Variants in DPY19L3 observed in about 807,000 individuals in gnomAD.
DPY19L3 encodes dpy-19 like C-mannosyltransferase 3, also known as protein C-mannosyl-transferase DPY19L3.
In DPY19L3, 51 loss-of-function variants were observed where a neutral mutation model predicts 92.3. The observed-to-expected ratio is 0.55, with a 90% CI of 0.44 to 0.70. The LOEUF (loss-of-function observed/expected upper bound fraction) is 0.70, where lower values mean the gene tolerates loss of function less well. Among genes scored for constraint, DPY19L3 ranks in the 30% least tolerant of loss-of-function variants. DPY19L3 has a pLI of 0.00. For synonymous variants in DPY19L3, 309 were observed against 315.2 expected, an observed-to-expected ratio of 0.98 and a Z score of 0.21; for missense variants, 706 against 855.9, an observed-to-expected ratio of 0.82 and a Z score of 2.18.
intron 8 of DPY19L3, among the ~76,000 whole-genome samples, chr19:32,442,931 C>T (rs900387402): frequency 2.0e-5 from 3 of 152,226 alleles, no homozygotes; most frequent in African/African-American, 7.2e-5. Flanking sequence ...CTTTCACCAT[C>T]TCCCAGAGAC....
intron 3 of DPY19L3, among the ~76,000 whole-genome samples, chr19:32,426,533 C>T (rs953384164): frequency 1.3e-5 from 2 of 152,148 alleles, no homozygotes; most frequent in South Asian, 2.1e-4. Context: ...CACTTCCTTT[C>T]GACGCTTAGA....
At chr19:32,421,447 C>T (rs1456740440) in intron 3 of DPY19L3, among the ~76,000 whole-genome samples, 1 of 152,128 alleles carries the variant, frequency 6.6e-6, no homozygotes, top group African/African-American at 2.4e-5. Context: ...CAAGACCAGC[C>T]TGGCCAACAT....
At chr19:32,458,034 G>A in intron 10 of DPY19L3, 66 bp from the exon 11 acceptor site, 1 of 1,225,108 alleles carries the variant, frequency 8.2e-7, no homozygotes, top group Non-Finnish European at 1.2e-6. Context: ...TAAATTCAAT[G>A]GGAAGTTATC....
intron 3 of DPY19L3, among the ~76,000 whole-genome samples, chr19:32,417,281 C>T (rs763813843): frequency 3.9e-5 from 6 of 152,164 alleles, no homozygotes; most frequent in Non-Finnish European, 7.3e-5. Flanking sequence ...CTTTCCTGTG[C>T]TGTTCTCATG....
Position 32,482,196 on chromosome 19 carries a change from C to G in DPY19L3, c.2107C>G (p.Gln703Glu). 1.2e-6 allele frequency: 2 copies of G among 1,613,768 alleles called. No homozygotes were observed. The highest frequency in any genetic ancestry group is 1.7e-6 in the Non-Finnish European group (2 of 1,179,832). ...CGTGGCCTACTTCACCAGAGTGTTCCAGAACAAAACCTTCCACGTTTACAA... is the reference window on the plus strand; with the variant it reads ...CGTGGCCTACTTCACCAGAGTGTTCGAGAACAAAACCTTCCACGTTTACAA... ...PYVAYFTRVFQNKTFHVYKLS... is the reference protein window; with the variant it reads ...PYVAYFTRVFENKTFHVYKLS... Residue 703 changes from glutamine to glutamate, a missense_variant, in exon 19 of 19, where the codon CAG becomes GAG. Physicochemically the swap from Gln to Glu is conservative, Grantham distance 29 (BLOSUM62 2). Transcript: ENST00000392250.
At chr19:32,436,408 T>G (rs1969140123) in intron 4 of DPY19L3, 38 bp from the exon 5 acceptor site, 1 of 1,362,930 alleles carries the variant, frequency 7.3e-7, no homozygotes, top group South Asian at 1.5e-5. Flanking sequence ...TAATTATGAG[T>G]GTAATTATTT....
chr19:32,451,922 C>T (rs1342972779), intron 8 of DPY19L3, among the ~76,000 whole-genome samples: 4 of 152,016 alleles, frequency 2.6e-5, no homozygotes, highest in Non-Finnish European at 5.9e-5. Flanking sequence ...GCAGCCTCAA[C>T]CTCCTGGACT....
intron 10 of DPY19L3, among the ~76,000 whole-genome samples, chr19:32,456,663 G>T (rs1027076432): frequency 6.6e-6 from 1 of 151,832 alleles, no homozygotes; most frequent in Non-Finnish European, 1.5e-5. Context: ...CAAACACCTG[G>T]GCTCAAGGTA....
At chr19:32,428,832 G>GT (rs756304557) in intron 3 of DPY19L3, among the ~76,000 whole-genome samples, 6,486 of 128,902 alleles carry the variant, frequency 0.05, 408 homozygotes, top group Admixed American at 0.2. Context: ...TTTTTTTTTT[G>GT]TTTTTTTTCT....
At chr19:32,454,228 C>A (rs1969794685) in intron 9 of DPY19L3, among the ~76,000 whole-genome samples, 1 of 152,078 alleles carries the variant, frequency 6.6e-6, no homozygotes, top group Admixed American at 6.6e-5. Flanking sequence ...ACCCATAAGT[C>A]TTTTATGTAA....
intron 3 of DPY19L3, among the ~76,000 whole-genome samples, chr19:32,420,138 A>G (rs1968520357): frequency 6.6e-6 from 1 of 152,134 alleles, no homozygotes; most frequent in Admixed American, 6.6e-5. Context: ...GATTACAGGC[A>G]TGAACCACCA....
chr19:32,445,396 G>A (rs920862563), intron 8 of DPY19L3, among the ~76,000 whole-genome samples: 4 of 123,084 alleles, frequency 3.2e-5, no homozygotes, highest in Non-Finnish European at 6.3e-5. Context: ...AGTCTAGATC[G>A]CGCCACTGCA....
At chr19:32,439,717 T>C in intron 7 of DPY19L3, 59 bp from the exon 8 acceptor site, 1 of 1,566,848 alleles carries the variant, frequency 6.4e-7, no homozygotes, top group Non-Finnish European at 8.6e-7. Flanking sequence ...AGAAAACTTG[T>C]CTGCAAGGTT....
intron 16 of DPY19L3, among the ~76,000 whole-genome samples, chr19:32,470,417 G>C (rs1037995686): frequency 6.6e-6 from 1 of 152,140 alleles, no homozygotes; most frequent in Non-Finnish European, 1.5e-5. Flanking sequence ...CTGCTTTCTG[G>C]TAGCATGCTG....
At chr19:32,471,494 C>A (rs891391678) in intron 16 of DPY19L3, among the ~76,000 whole-genome samples, 13 of 152,190 alleles carry the variant, frequency 8.5e-5, no homozygotes, top group African/African-American at 3.1e-4. Flanking sequence ...CCTGGGGACA[C>A]CTCAAGTGAC....
chr19:32,424,435 G>A (rs974916342), intron 3 of DPY19L3, among the ~76,000 whole-genome samples: 11 of 152,044 alleles, frequency 7.2e-5, no homozygotes, highest in African/African-American at 2.4e-4. Context: ...CACAAGCCTG[G>A]GCAACATGGT....
At chr19:32,442,588 A>G (rs1969358716) in intron 8 of DPY19L3, among the ~76,000 whole-genome samples, 1 of 152,144 alleles carries the variant, frequency 6.6e-6, no homozygotes, top group Non-Finnish European at 1.5e-5. Flanking sequence ...GGAAAATTTG[A>G]CAGCGAGTTT....
intron 4 of DPY19L3, among the ~76,000 whole-genome samples, chr19:32,433,258 C>T (rs1969028066): frequency 6.6e-6 from 1 of 152,202 alleles, no homozygotes; most frequent in Non-Finnish European, 1.5e-5. Context: ...ACCCCACACT[C>T]TGCCTTTACT....
intron 16 of DPY19L3, 37 bp downstream of exon 16, chr19:32,468,850 G>A (rs777091980): frequency 3.7e-6 from 6 of 1,604,016 alleles, no homozygotes; most frequent in Middle Eastern, 1.7e-4. Context: ...AATTTTAAGT[G>A]CCTTTTAAGA....
Sources: gnomAD v4.1 joint callset for allele counts (sites outside exome capture counted in the v4.1 genomes callset) on GRCh38, gnomAD v4.1.1 for gene constraint, MANE v1.5 for transcripts, NCBI Gene and HGNC (gene_info 2026-07-23, HGNC 2026-07-21) for gene names.